Variants in GABRA4 observed in about 807,000 individuals in gnomAD.
The protein encoded by GABRA4 is gamma-aminobutyric acid receptor subunit alpha-4.
Under a neutral mutation model 49.7 loss-of-function variants are expected in GABRA4, and 12 were observed. The ratio of observed to expected loss-of-function variants is 0.24; its 90% CI spans 0.15 to 0.39. The LOEUF is 0.39. GABRA4 is among the 10% of genes least tolerant of loss of function. GABRA4 has a pLI of 1.00. For synonymous variants in GABRA4, 288 were observed against 240.2 expected, an observed-to-expected ratio of 1.20 and a Z score of -1.84; for missense variants, 506 against 686.0, an observed-to-expected ratio of 0.74 and a Z score of 2.93.
In GABRA4 at chr4:46,961,719, C is replaced by T. The variant is rs1428341184; in HGVS notation, c.1134+3251G>A. On this transcript the variant is annotated intron_variant, in intron 8 of 8. Coordinates refer to ENST00000264318, the MANE Select transcript of GABRA4 (RefSeq NM_000809.4). ...GGGAGTCTTAGACTACCATATGTGG[C>T]AAATACCATAGACTGTATTTAAGTG... Among the ~76,000 whole-genome samples, 3 of 151,754 alleles carry T rather than the reference C, an allele frequency of 2.0e-5. No homozygotes were observed. In the East Asian group the frequency reaches 5.8e-4, roughly 30 times the overall value.
chr4:46,973,740 C>G (rs946695822), intron 6 of GABRA4, among the ~76,000 whole-genome samples: 1 of 151,592 alleles, frequency 6.6e-6, no homozygotes, highest in Non-Finnish European at 1.5e-5. Flanking sequence ...AATAAACATC[C>G]CCCCTACTCA....
chr4:46,983,576 T>TTATTTG (rs1723431139), intron 2 of GABRA4, among the ~76,000 whole-genome samples: 1 of 152,108 alleles, frequency 6.6e-6, no homozygotes, highest in Non-Finnish European at 1.5e-5. Flanking sequence ...AGAAACTGTC[T>TTATTTG]TATTTGTATT....
intron 5 of GABRA4, among the ~76,000 whole-genome samples, chr4:46,974,902 AC>A (rs1472611882): frequency 1.3e-5 from 2 of 151,820 alleles, no homozygotes; most frequent in Non-Finnish European, 2.9e-5. Context: ...GGCAATATCC[AC>A]TGTGTTTGGG....
At chr4:46,959,224 C>T (rs1365878525) in intron 8 of GABRA4, among the ~76,000 whole-genome samples, 2 of 151,822 alleles carry the variant, frequency 1.3e-5, no homozygotes, top group Non-Finnish European at 2.9e-5. Flanking sequence ...ACAAGTGATA[C>T]TGTAAAACCA....
At chr4:46,973,380 C>T (rs1166806353) in intron 6 of GABRA4, among the ~76,000 whole-genome samples, 1 of 151,648 alleles carries the variant, frequency 6.6e-6, no homozygotes, top group Non-Finnish European at 1.5e-5. Context: ...TTGGGGTCCC[C>T]ATGTGAGGAC....
chr4:46,968,015 G>T (rs532758757), intron 7 of GABRA4, among the ~76,000 whole-genome samples: 1 of 151,634 alleles, frequency 6.6e-6, no homozygotes, highest in African/African-American at 2.4e-5. Context: ...AGGACACTCT[G>T]CTCCTTTTAT....
At position 46,974,358 on chromosome 4, in the gene GABRA4, C is replaced by T; in HGVS notation, c.595G>A (p.Glu199Lys). The change falls in exon 6 of 9, where the codon GAG (glutamate) becomes AAG (lysine). Residue 199 changes from glutamate to lysine, a missense_variant. By Grantham distance (56) the Glu-to-Lys change is moderately conservative. This residue lies in a region of GABRA4 where 195 missense variants were observed against 326.0 expected (regional missense o/e 0.60). Transcript: ENST00000264318. ...CCTTTTGTCCAGGTATAGATCATCT[C>T]ACTCTTTGGATAGGCATCTAAAAGA... ...KFGSYAYPKS[E>K]MIYTWTKGPE... 2 of 1,610,600 alleles carry T rather than the reference C, an allele frequency of 1.2e-6. No homozygotes were observed. Among genetic ancestry groups the T allele is most frequent in the Non-Finnish European group, 1.7e-6 (2 of 1,177,994 alleles).
chr4:46,985,484 C>T (rs1197064498), intron 2 of GABRA4, among the ~76,000 whole-genome samples: 1 of 151,840 alleles, frequency 6.6e-6, no homozygotes, highest in Non-Finnish European at 1.5e-5. Context: ...GTGTCATATA[C>T]CAGGAATTAT....
At chr4:46,951,394 G>C (rs537203408) in intron 8 of GABRA4, among the ~76,000 whole-genome samples, 1 of 151,510 alleles carries the variant, frequency 6.6e-6, no homozygotes, top group Non-Finnish European at 1.5e-5. Flanking sequence ...TGGGTGCCAG[G>C]CCACTAAATA....
chr4:46,968,541 G>T (rs1334885122), intron 7 of GABRA4, among the ~76,000 whole-genome samples: 2 of 151,454 alleles, frequency 1.3e-5, no homozygotes, highest in Non-Finnish European at 1.5e-5. Flanking sequence ...ATTACAATTT[G>T]ATTTTATACA....
At chr4:46,974,457 G>T in intron 5 of GABRA4, 82 bp from the exon 6 acceptor site, 8 of 1,253,788 alleles carry the variant, frequency 6.4e-6, no homozygotes, top group Non-Finnish European at 8.7e-6. Context: ...AACAGTACTT[G>T]TTCAAGAAAG....
chr4:46,946,108 C>T (rs1577756716), intron 8 of GABRA4, among the ~76,000 whole-genome samples: 2 of 152,206 alleles, frequency 1.3e-5, no homozygotes, highest in East Asian at 3.9e-4. Context: ...ACTGGTGATC[C>T]TGGCAAGACT....
Position 46,928,156 on chromosome 4 carries a change from T to C in GABRA4, c.*69A>G, listed in dbSNP as rs1477720829. The C allele has an allele frequency of 6.3e-6, 8 of 1,276,878 alleles. No homozygotes were observed. Among genetic ancestry groups the C allele is most frequent in the Non-Finnish European group, 8.5e-6 (8 of 941,072 alleles). The allele number at this position is 1,276,878 out of a possible 1,614,324, so 79.1% of individuals were successfully genotyped here. A position where few individuals can be genotyped will look rare whatever the true frequency, so the allele number is the denominator to read the frequency against. On this transcript the variant is annotated 3_prime_UTR_variant, in exon 9 of 9. Transcript: ENST00000264318. ...TATTTTAGTAAAGAATATTTGTTTA[T>C]ATTTAAAAACATTTAAAAAGACATT...
intron 8 of GABRA4, among the ~76,000 whole-genome samples, chr4:46,943,850 T>C (rs1209042007): frequency 3.3e-5 from 5 of 152,128 alleles, no homozygotes; most frequent in Non-Finnish European, 7.4e-5. Flanking sequence ...ACATGTGCTG[T>C]TTTGTTATAT....
intron 3 of GABRA4, 41 bp downstream of exon 3, chr4:46,978,990 T>C: frequency 7.6e-7 from 1 of 1,315,212 alleles, no homozygotes; most frequent in Non-Finnish European, 1.1e-6. Flanking sequence ...ACATGTTTTC[T>C]TCAAGTCTCA....
chr4:46,948,027 G>A (rs1560468043), intron 8 of GABRA4, among the ~76,000 whole-genome samples: 2 of 152,062 alleles, frequency 1.3e-5, no homozygotes, highest in Non-Finnish European at 2.9e-5. Flanking sequence ...ATTGGAAATA[G>A]CAGCACCAAA....
chr4:46,969,196 T>G (rs1199522832), intron 7 of GABRA4, among the ~76,000 whole-genome samples: 1 of 151,520 alleles, frequency 6.6e-6, no homozygotes, highest in Non-Finnish European at 1.5e-5. Context: ...CACTATCACC[T>G]CTTGATTACA....
At chr4:46,979,729 A>C (rs1723282048) in intron 2 of GABRA4, among the ~76,000 whole-genome samples, 1 of 152,112 alleles carries the variant, frequency 6.6e-6, no homozygotes, top group Admixed American at 6.6e-5. Context: ...ACCATCAGGC[A>C]AGATTTTGAT....
intron 8 of GABRA4, among the ~76,000 whole-genome samples, chr4:46,940,590 A>G (rs1039808314): frequency 1.3e-5 from 2 of 152,044 alleles, no homozygotes; most frequent in Admixed American, 6.6e-5. Flanking sequence ...CATAAAGCAT[A>G]TGTTGAATTA....
Sources: gnomAD v4.1 joint callset for allele counts (sites outside exome capture counted in the v4.1 genomes callset) on GRCh38, gnomAD v4.1.1 for gene constraint, gnomAD v4.1.1 regional missense constraint, MANE v1.5 for transcripts, NCBI Gene and HGNC (gene_info 2026-07-23, HGNC 2026-07-21) for gene names.